Variants in TPM1 observed in about 807,000 individuals in gnomAD.
TPM1 encodes the protein tropomyosin 1.
A neutral mutation model predicts 42.9 loss-of-function variants in TPM1; 24 were observed. That is an observed-to-expected ratio of 0.56 (90% CI 0.41 to 0.79). The LOEUF (loss-of-function observed/expected upper bound fraction) is 0.79, where lower values mean the gene tolerates loss of function less well. Ranked by LOEUF, TPM1 falls within the 30% of genes least tolerant of loss-of-function variation. The pLI, the probability that TPM1 is intolerant of heterozygous loss-of-function variation, is 0.00. For synonymous variants in TPM1, 136 were observed against 130.1 expected (o/e 1.05, Z -0.31); for missense variants, 158 against 351.8 (o/e 0.45, Z 4.41).
Position 63,057,622 on chromosome 15 carries a change from G to A in TPM1, c.374+504G>A, listed in dbSNP as rs370207485. 4.6e-5 allele frequency among the ~76,000 whole-genome samples: 7 copies of A among 152,318 alleles called. No individual in the cohort carries two copies. In the East Asian group the frequency reaches 9.6e-4, roughly 21 times the overall value. On this transcript the variant is annotated intron_variant, in intron 3 of 9. Coordinates refer to ENST00000403994, the MANE Select transcript of TPM1 (RefSeq NM_001018005.2). ...GCAAAAGTAAAATATTTTGGACTTG[G>A]TCTTAGTAATATACACAACACACAT...
intron 9 of TPM1, 77 bp from the exon 10 acceptor site, chr15:63,065,819 G>A: frequency 4.0e-6 from 6 of 1,513,958 alleles, no homozygotes; most frequent in South Asian, 1.2e-5. Flanking sequence ...TCATCTATTG[G>A]TTTGGTTTCC....
exon 9 of TPM1, chr15:63,071,847 A>G (rs1298067118): frequency 2.0e-5 from 3 of 153,806 alleles, no homozygotes; most frequent in African/African-American, 7.2e-5. Context: ...TTTTCTTGAG[A>G]GTTTTAACTA....
intron 2 of TPM1, chr15:63,048,397 G>T (rs1245166866): frequency 1.5e-6 from 2 of 1,355,108 alleles, no homozygotes; most frequent in Non-Finnish European, 1.9e-6. Flanking sequence ...TGTCTGCGCA[G>T]CCCTGGAGGC....
intron 2 of TPM1, among the ~76,000 whole-genome samples, chr15:63,053,809 G>A (rs1412964451): frequency 6.6e-6 from 1 of 151,374 alleles, no homozygotes; most frequent in Non-Finnish European, 1.5e-5. Context: ...AGCCTCCTGA[G>A]TAGCTGGGAT....
chr15:63,062,301 G>A (rs760707943), intron 7 of TPM1, 24 bp downstream of exon 7: 3 of 1,610,328 alleles, frequency 1.9e-6, no homozygotes, highest in Non-Finnish European at 2.5e-6. Flanking sequence ...TGTGGATGAA[G>A]CCAACTGGAT....
Position 63,065,998 on chromosome 15 carries a change from C to G in TPM1, c.*99C>G, listed in dbSNP as rs150024529. 4 of 1,565,612 alleles carry G rather than the reference C, an allele frequency of 2.6e-6. No homozygotes were observed. In the African/African-American group the frequency reaches 4.1e-5, roughly 16 times the overall value. On this transcript the variant is annotated 3_prime_UTR_variant, in exon 10 of 10. Transcript: ENST00000403994. ...CTATTCTCCAGCTGACCCTGGTTCTCTCTCTTAGCATCCTGCCTTAGAGCC... is the reference window on the plus strand; with the variant it reads ...CTATTCTCCAGCTGACCCTGGTTCTGTCTCTTAGCATCCTGCCTTAGAGCC...
At chr15:63,066,843 A>G (rs960394274), downstream of TPM1, among the ~76,000 whole-genome samples, 2 of 151,722 alleles carry the variant, frequency 1.3e-5, no homozygotes, top group Non-Finnish European at 2.9e-5. Flanking sequence ...TTTGTGTTCA[A>G]TGGCTGTGTT....
At chr15:63,043,920 C>T in intron 1 of TPM1, 107 bp from the exon 2 acceptor site, 3 of 1,554,820 alleles carry the variant, frequency 1.9e-6, no homozygotes, top group Admixed American at 3.9e-5. Flanking sequence ...CTCTGTCTCT[C>T]CCGCTGTCCC....
chr15:63,064,522 A>G (rs16946416), intron 9 of TPM1: 6 of 1,091,418 alleles, frequency 5.5e-6, no homozygotes, highest in African/African-American at 1.6e-5. Context: ...CTGAAATTCA[A>G]CTAAGTACAA....
At position 63,065,975 on chromosome 15, in the gene TPM1, A is replaced by G. The variant is rs140658011; in HGVS notation, c.*76A>G. 956 of 1,585,438 alleles carry G rather than the reference A, an allele frequency of 6.0e-4. 6 individuals are homozygous for G. In the African/African-American group the frequency reaches 0.011, roughly 18 times the overall value. The stretch of plus-strand genomic sequence containing the variant: ...ACCTCTCTGAGCTCTGCATTTGTCT[A>G]TTCTCCAGCTGACCCTGGTTCTCTC... On this transcript the variant is annotated 3_prime_UTR_variant, in exon 10 of 10. Coordinates refer to ENST00000403994, the MANE Select transcript of TPM1 (RefSeq NM_001018005.2).
chr15:63,047,925 C>T (rs542497827), intron 2 of TPM1: 5 of 209,350 alleles, frequency 2.4e-5, no homozygotes, highest in African/African-American at 1.2e-4. Context: ...CCTAGGAAAA[C>T]TGCATTTAGA....
chr15:63,070,290 G>GTGTATATATATATATATA (rs946549260), downstream of TPM1: 24 of 503,004 alleles, frequency 4.8e-5, no homozygotes, highest in African/African-American at 5.0e-4. Context: ...CTTTAAGTAT[G>GTGTATATATATATATATA]TATATATATA....
In TPM1 at chr15:63,065,786, T is replaced by G. The variant is rs531113885; in HGVS notation, c.852-110T>G. ...TGGCAGTGGGGTTTGCATGACTGCTTCTTGTCTGTGTTTCAAGTGCTCTCA... is the reference window on the plus strand; with the variant it reads ...TGGCAGTGGGGTTTGCATGACTGCTGCTTGTCTGTGTTTCAAGTGCTCTCA... On this transcript the variant is annotated intron_variant, in intron 9 of 9. Coordinates refer to ENST00000403994, the MANE Select transcript of TPM1 (RefSeq NM_001018005.2). 4.5e-5 allele frequency: 64 copies of G among 1,419,924 alleles called. 1 individual carries two copies. In the East Asian group the frequency reaches 4.9e-4, roughly 11 times the overall value. 88.0% of individuals were successfully genotyped at this position (1,419,924 alleles called of 1,614,324 possible). A position where few individuals can be genotyped will look rare whatever the true frequency, so the allele number is the denominator to read the frequency against.
chr15:63,043,006 G>A, intron 1 of TPM1, 63 bp downstream of exon 1: 1 of 1,450,644 alleles, frequency 6.9e-7, no homozygotes, highest in Non-Finnish European at 9.5e-7. Flanking sequence ...TGGCACCCCC[G>A]GCTGGATCCC....
At chr15:63,049,103 G>C in intron 2 of TPM1, 1 of 243,486 alleles carries the variant, frequency 4.1e-6, no homozygotes, top group Non-Finnish European at 8.3e-6. Flanking sequence ...TCCTCTTGGA[G>C]ATCCGTACTT....
chr15:63,056,612 A>C lies in TPM1; in HGVS notation c.241-373A>C, dbSNP rs988190240. 172 of 300,740 alleles carry C rather than the reference A, an allele frequency of 5.7e-4. 2 individuals are homozygous for C. Among genetic ancestry groups the C allele is most frequent in the Non-Finnish European group, 1.7e-4 (27 of 155,364 alleles). 18.6% of individuals were successfully genotyped at this position (300,740 alleles called of 1,614,324 possible). Reference sequence around the variant, plus strand: ...AATCCAGGAGGCGGAGTTTGCAGTGAGCTGAGATCGTGCCACTGCACCCCA... The same window carrying C: ...AATCCAGGAGGCGGAGTTTGCAGTGCGCTGAGATCGTGCCACTGCACCCCA... On this transcript the variant is annotated intron_variant, in intron 2 of 9. Transcript: ENST00000403994.
At chr15:63,055,054 A>C (rs2051616188) in intron 2 of TPM1, among the ~76,000 whole-genome samples, 1 of 151,876 alleles carries the variant, frequency 6.6e-6, no homozygotes, top group Non-Finnish European at 1.5e-5. Context: ...ATGGTTTTTA[A>C]AAGACACTTC....
At chr15:63,046,865 G>A (rs1321181007) in intron 2 of TPM1, 8 of 152,326 alleles carry the variant, frequency 5.3e-5, no homozygotes, top group Non-Finnish European at 1.2e-4. Context: ...TGCAACCCAG[G>A]CGGCAGCATT....
At chr15:63,058,905 A>T (rs775449284) in intron 3 of TPM1, among the ~76,000 whole-genome samples, 2 of 152,212 alleles carry the variant, frequency 1.3e-5, no homozygotes, top group Non-Finnish European at 2.9e-5. Context: ...CACTCAGTGT[A>T]GAGGACAGTG....
Sources: allele counts gnomAD v4.1 joint callset (sites outside exome capture counted in the v4.1 genomes callset), GRCh38; gene constraint gnomAD v4.1.1; transcripts MANE v1.5; gene names NCBI Gene and HGNC (gene_info 2026-07-23, HGNC 2026-07-21).